Variants in LACC1 observed in about 807,000 individuals in gnomAD.
The protein encoded by LACC1 is laccase domain multifunctional purine nucleosidase 1, also known as purine nucleoside phosphorylase LACC1.
LACC1 carries 25 observed loss-of-function variants against 34.8 expected under a neutral mutation model. The observed-to-expected ratio is 0.72, with a 90% confidence interval of 0.52 to 1.00. The LOEUF (loss-of-function observed/expected upper bound fraction) is 1.00. Ranked by LOEUF, LACC1 falls within the 50% of genes least tolerant of loss-of-function variation. The pLI is 0.00. For missense variants in LACC1, 426 were observed against 511.2 expected (o/e 0.83, Z 1.61); for synonymous variants, 162 against 168.0 (o/e 0.96, Z 0.28).
At chr13:43,888,551 G>A (rs1346640062) in intron 4 of LACC1, among the ~76,000 whole-genome samples, 2 of 152,084 alleles carry the variant, frequency 1.3e-5, no homozygotes, top group Non-Finnish European at 2.9e-5. Context: ...AATGGAAGAT[G>A]AAGAAAACTC....
At chr13:43,881,629 C>G (rs931524546) in intron 2 of LACC1, 82 bp downstream of exon 2, 14 of 1,078,400 alleles carry the variant, frequency 1.3e-5, no homozygotes, top group Non-Finnish European at 1.6e-5. Context: ...TCTTTTTTTC[C>G]TCCTTTCTTT....
chr13:43,881,682 A>G lies in LACC1; in HGVS notation c.562+135A>G, dbSNP rs1464505534. 5 of 674,508 alleles carry G rather than the reference A, an allele frequency of 7.4e-6. No individual in the cohort carries two copies. In the South Asian group the frequency reaches 1.0e-4, roughly 14 times the overall value. The allele number at this position is 674,508 out of a possible 1,614,324, so 41.8% of individuals were successfully genotyped here. A position where few individuals can be genotyped will look rare whatever the true frequency, so the allele number is the denominator to read the frequency against. ...TGATTACTCATTAGCATCAGTGGCA[A>G]CACAGAGGTGTCATGTTTGGCCCTG... On this transcript the variant is annotated intron_variant, in intron 2 of 6. Transcript: ENST00000325686.
chr13:43,888,306 A>G (rs1051274759), intron 4 of LACC1, among the ~76,000 whole-genome samples: 13 of 152,168 alleles, frequency 8.5e-5, no homozygotes, highest in African/African-American at 3.1e-4. Context: ...AGGAAGAAAC[A>G]AGGAGTTATT....
In LACC1 at chr13:43,883,786, G is replaced by A. The variant is rs572703071; in HGVS notation, c.757G>A (p.Asp253Asn). ...TTGGTATTAGACTCATCATTCCAAT[G>A]ACATCTGGATTATGGGAAGAAAGGA... The part of the protein sequence containing the change: ...FYRIKTHHSN[D>N]IWIMGRKEPD... Residue 253 changes from aspartate to asparagine, a missense_variant, in exon 4 of 7, where the codon GAC (aspartate) becomes AAC (asparagine). Physicochemically the swap from Asp to Asn is conservative, Grantham distance 23 (BLOSUM62 1). Transcript: ENST00000325686. The A allele has an allele frequency of 6.2e-7, 1 of 1,609,224 alleles. No individual in the cohort carries two copies. The highest frequency in any genetic ancestry group is 1.3e-5 in the African/African-American group (1 of 74,782).
chr13:43,882,299 A>C lies in LACC1; in HGVS notation c.677A>C (p.Gln226Pro). The part of the protein sequence containing the change: ...SKRRDPKVVV[Q>P]ENLRRLANAA... ...CGGAGAGATCCCAAGGTAGTGGTTC[A>C]AGAAAATCTGCGTAGGTTGGCGAAT... is the stretch of plus-strand genomic sequence containing the variant. The change falls in exon 3 of 7, where the codon CAA becomes CCA. Residue 226 changes from glutamine to proline, a missense_variant. By Grantham distance (76) the Gln-to-Pro change is moderately conservative. Coordinates refer to ENST00000325686, the MANE Select transcript of LACC1 (RefSeq NM_153218.4). The C allele has an allele frequency of 6.2e-7, 1 of 1,614,038 alleles. No individual in the cohort carries two copies. The highest frequency in any genetic ancestry group is 1.1e-5 in the South Asian group (1 of 91,070).
At chr13:43,883,631 A>G in intron 3 of LACC1, 140 bp from the exon 4 acceptor site, 2 of 503,712 alleles carry the variant, frequency 4.0e-6, no homozygotes, top group Non-Finnish European at 6.6e-6. Flanking sequence ...TTTCCCATAT[A>G]TAAAAGTGAT....
chr13:43,888,806 G>C lies in LACC1; in HGVS notation c.957G>C (p.Met319Ile), dbSNP rs1400869482. 6.2e-7 allele frequency: 1 copy of C among 1,613,762 alleles called. No individual in the cohort carries two copies. The highest frequency in any genetic ancestry group is 8.5e-7 in the Non-Finnish European group (1 of 1,179,838). Reference protein sequence around the residue: ...LGVAMATVNAMIAEYGCSLED... With the variant: ...LGVAMATVNAIIAEYGCSLED... ...TTGCTATGGCTACAGTGAATGCTAT[G>C]ATAGCAGAATATGGCTGCAGTTTGG... Residue 319 changes from methionine to isoleucine, a missense_variant, in exon 5 of 7, where the codon ATG (methionine) becomes ATC (isoleucine). By Grantham distance (10) the Met-to-Ile change is conservative. Coordinates refer to ENST00000325686, the MANE Select transcript of LACC1 (RefSeq NM_153218.4).
chr13:43,892,727 G>A lies in LACC1; in HGVS notation c.*1280G>A, dbSNP rs1365345310. The A allele has an allele frequency of 1.3e-5, 2 of 151,820 alleles. No individual in the cohort carries two copies. Among genetic ancestry groups the A allele is most frequent in the Non-Finnish European group, 2.9e-5 (2 of 67,946 alleles). The allele number at this position is 151,820 out of a possible 1,614,324, so 9.4% of individuals were successfully genotyped here. A position where few individuals can be genotyped will look rare whatever the true frequency, so the allele number is the denominator to read the frequency against. ...AGGCAGAAATTAGGATGAGAAAAAAGGAGATCCAATAATACAACCTTATAG... is the reference window on the plus strand; with the variant it reads ...AGGCAGAAATTAGGATGAGAAAAAAAGAGATCCAATAATACAACCTTATAG... On this transcript the variant is annotated 3_prime_UTR_variant, in exon 7 of 7. Coordinates refer to ENST00000325686, the MANE Select transcript of LACC1 (RefSeq NM_153218.4).
chr13:43,889,058 T>C, intron 5 of LACC1, 76 bp downstream of exon 5: 1 of 1,209,854 alleles, frequency 8.3e-7, no homozygotes, highest in Non-Finnish European at 1.2e-6. Flanking sequence ...TGGAGAACAA[T>C]TAATAACTCT....
intron 4 of LACC1, among the ~76,000 whole-genome samples, chr13:43,888,507 T>C (rs1955434253): frequency 6.6e-6 from 1 of 152,094 alleles, no homozygotes; most frequent in Admixed American, 6.5e-5. Flanking sequence ...GAAGCTATGA[T>C]CTCAGTGGAA....
intron 4 of LACC1, among the ~76,000 whole-genome samples, chr13:43,884,563 GTAAC>G (rs1955226579): frequency 6.6e-6 from 1 of 152,166 alleles, no homozygotes; most frequent in Non-Finnish European, 1.5e-5. Flanking sequence ...GTATTTAACT[GTAAC>G]TATTCTCTGA....
intron 5 of LACC1, 21 bp downstream of exon 5, chr13:43,889,003 C>T: frequency 1.9e-6 from 3 of 1,544,326 alleles, no homozygotes; most frequent in Non-Finnish European, 2.7e-6. Flanking sequence ...TTTCATTCAA[C>T]TGCAAGTTTG....
chr13:43,887,759 A>G (rs1184204388), intron 4 of LACC1, among the ~76,000 whole-genome samples: 2 of 152,182 alleles, frequency 1.3e-5, no homozygotes, highest in Admixed American at 1.3e-4. Flanking sequence ...ATATCACCCC[A>G]CATCCATTAG....
rs563095024 is a variant in LACC1 at position 43,890,638 on chromosome 13, T to G, written c.*1+364T>G. 3.9e-5 allele frequency among the ~76,000 whole-genome samples: 6 copies of G among 152,352 alleles called. No individual in the cohort carries two copies. In the South Asian group the frequency reaches 8.3e-4, roughly 21 times the overall value. On this transcript the variant is annotated intron_variant, in intron 6 of 6. Transcript: ENST00000325686. ...CTTTCTCTCTACTATGTACTTGATATCTGTACATTCCCTATCCTCACATCC... is the reference window on the plus strand; with the variant it reads ...CTTTCTCTCTACTATGTACTTGATAGCTGTACATTCCCTATCCTCACATCC...
upstream of LACC1, chr13:43,879,803 C>CGGGGCGAGGT (rs1954872609): frequency 5.0e-5 from 4 of 79,654 alleles, no homozygotes; most frequent in African/African-American, 7.6e-5. Flanking sequence ...CGGGGCGAGG[C>CGGGGCGAGGT]GAGGCGGGGC....
chr13:43,888,792 A>C lies in LACC1; in HGVS notation c.943A>C (p.Thr315Pro). 6.2e-7 allele frequency: 1 copy of C among 1,613,898 alleles called. No individual in the cohort carries two copies. ...TACTTTGTTGGGTGTTGCTATGGCT[A>C]CAGTGAATGCTATGATAGCAGAATA... is the stretch of plus-strand genomic sequence containing the variant. ...KGTLLGVAMATVNAMIAEYGC... is the reference protein window; with the variant it reads ...KGTLLGVAMAPVNAMIAEYGC... Residue 315 changes from threonine to proline, a missense_variant, in exon 5 of 7, where the codon ACA (threonine) becomes CCA (proline). Transcript: ENST00000325686.
intron 4 of LACC1, 151 bp downstream of exon 4, chr13:43,884,087 G>A (rs768421151): frequency 3.5e-6 from 2 of 572,502 alleles, no homozygotes; most frequent in Non-Finnish European, 6.0e-6. Context: ...TTATTATAGG[G>A]ACAGCTAAGA....
At chr13:43,880,453 A>G (rs749618823) in intron 1 of LACC1, among the ~76,000 whole-genome samples, 5 of 152,198 alleles carry the variant, frequency 3.3e-5, no homozygotes, top group Non-Finnish European at 7.3e-5. Flanking sequence ...AGTGTGGAGT[A>G]CTGCGCAAAT....
chr13:43,883,713 CT>C, intron 3 of LACC1, 57 bp from the exon 4 acceptor site: 1 of 1,348,942 alleles, frequency 7.4e-7, no homozygotes, highest in East Asian at 2.3e-5. Flanking sequence ...TTCGAGAAAG[CT>C]TATGGTATAA....
Sources: gnomAD v4.1 joint callset for allele counts (sites outside exome capture counted in the v4.1 genomes callset) on GRCh38, gnomAD v4.1.1 for gene constraint, MANE v1.5 for transcripts, NCBI Gene and HGNC (gene_info 2026-07-23, HGNC 2026-07-21) for gene names.